The following RCOR1 variants were observed in gnomAD, a reference collection of about 807,000 sequenced individuals.
RCOR1 encodes the protein REST corepressor.
A neutral mutation model predicts 64.0 loss-of-function variants in RCOR1; 12 were observed. The observed-to-expected ratio is 0.19, with a 90% CI of 0.12 to 0.30. The LOEUF (loss-of-function observed/expected upper bound fraction) is 0.30. Ranked by LOEUF, RCOR1 falls within the 10% of genes least tolerant of loss-of-function variation. The pLI, the probability that RCOR1 is intolerant of heterozygous loss-of-function variation, is 1.00. For synonymous variants in RCOR1, 279 were observed against 227.2 expected (o/e 1.23, Z -2.05); for missense variants, 502 against 621.2 (o/e 0.81, Z 2.04).
intron 2 of RCOR1, among the ~76,000 whole-genome samples, chr14:102,649,006 A>T (rs1342844270): frequency 6.6e-6 from 1 of 151,926 alleles, no homozygotes; most frequent in Non-Finnish European, 1.5e-5. Flanking sequence ...TTACACATGT[A>T]GTAGAAGTTT....
Position 102,657,022 on chromosome 14 carries a change from G to A in RCOR1, c.362-24873G>A, listed in dbSNP as rs911077488. 2.4e-5 allele frequency: 21 copies of A among 875,884 alleles called. No homozygotes were observed. The Admixed American group carries it at 6.3e-4, about 26-fold the overall frequency. 54.3% of individuals were successfully genotyped at this position (875,884 alleles called of 1,614,324 possible). ...ACTCCTGACCTCATGTGATCCACCC[G>A]CATCAGCCTCCCAAAGTGCTGGGAT... On this transcript the variant is annotated intron_variant, in intron 2 of 11. Coordinates refer to ENST00000262241, the MANE Select transcript of RCOR1 (RefSeq NM_015156.4).
At chr14:102,673,832 C>A (rs1419957881) in intron 2 of RCOR1, among the ~76,000 whole-genome samples, 1 of 151,528 alleles carries the variant, frequency 6.6e-6, no homozygotes, top group African/African-American at 2.4e-5. Context: ...TCAGGCTGGT[C>A]TCGAACTCCC....
chr14:102,617,957 G>GTTTCTTTTTTT lies in RCOR1; in HGVS notation c.361+24647_361+24657dup, dbSNP rs768031626. On this transcript the variant is annotated intron_variant, in intron 2 of 11. Coordinates refer to ENST00000262241, the MANE Select transcript of RCOR1 (RefSeq NM_015156.4). ...TTTATGGGATACTACACTTACATAA[G>GTTTCTTTTTTT]TTTCTTTTTTTTTTCTTTTTTTTTT... Among the ~76,000 whole-genome samples the GTTTCTTTTTTT allele has an allele frequency of 9.1e-3, 1,299 of 142,966 alleles. 12 individuals are homozygous for GTTTCTTTTTTT. Among genetic ancestry groups the GTTTCTTTTTTT allele is most frequent in the East Asian group, 0.02 (98 of 4,796 alleles). The allele number at this position is 142,966 out of a possible 152,430, so 93.8% of individuals were successfully genotyped here.
Position 102,713,114 on chromosome 14 carries a change from T to C in RCOR1, c.859-1309T>C, listed in dbSNP as rs779012101. On this transcript the variant is annotated intron_variant, in intron 7 of 11. Coordinates refer to ENST00000262241, the MANE Select transcript of RCOR1 (RefSeq NM_015156.4). ...GATTACAGGGGCCCGCAACCATGCC[T>C]GGCTAATTTTTGTATTTTTACTAGA... 1.1e-4 allele frequency among the ~76,000 whole-genome samples: 16 copies of C among 150,706 alleles called. 1 individual carries two copies. The highest frequency in any genetic ancestry group is 3.3e-4 in the Admixed American group (5 of 15,122).
intron 2 of RCOR1, among the ~76,000 whole-genome samples, chr14:102,637,634 A>G (rs1169451696): frequency 6.6e-6 from 1 of 151,796 alleles, no homozygotes; most frequent in Non-Finnish European, 1.5e-5. Context: ...TTTTTTGTAG[A>G]GTCGAGATTT....
At chr14:102,711,677 C>T (rs1409078321) in intron 7 of RCOR1, among the ~76,000 whole-genome samples, 1 of 152,112 alleles carries the variant, frequency 6.6e-6, no homozygotes. Context: ...AGAGAGTTCT[C>T]TCTCTCTGCT....
chr14:102,656,981 G>A lies in RCOR1; in HGVS notation c.362-24914G>A, dbSNP rs575734520. ...AGTAGAGAGGGGTTTCACCATGTTG[G>A]CCAGGATGGTCGCGAACTCCTGACC... On this transcript the variant is annotated intron_variant, in intron 2 of 11. Transcript: ENST00000262241. The A allele has an allele frequency of 5.4e-5, 25 of 462,632 alleles. No homozygotes were observed. In the East Asian group the frequency reaches 2.8e-3, roughly 52 times the overall value. The allele number at this position is 462,632 out of a possible 1,614,324, so 28.7% of individuals were successfully genotyped here.
intron 11 of RCOR1, among the ~76,000 whole-genome samples, chr14:102,724,628 C>T (rs548516371): frequency 3.7e-4 from 56 of 152,248 alleles, no homozygotes; most frequent in Middle Eastern, 3.4e-3. Flanking sequence ...CCACCGTGCC[C>T]GGCCTATTTC....
At chr14:102,679,374 GATT>G (rs1895256356) in intron 2 of RCOR1, among the ~76,000 whole-genome samples, 1 of 152,142 alleles carries the variant, frequency 6.6e-6, no homozygotes, top group Non-Finnish European at 1.5e-5. Context: ...TTGTTGAAAA[GATT>G]ATTATTTTTG....
At chr14:102,668,302 A>T (rs1413444355) in intron 2 of RCOR1, among the ~76,000 whole-genome samples, 1 of 152,208 alleles carries the variant, frequency 6.6e-6, no homozygotes, top group Non-Finnish European at 1.5e-5. Flanking sequence ...TGGTGATGCT[A>T]ATGAGAATAA....
At chr14:102,617,023 C>T (rs951798215) in intron 2 of RCOR1, among the ~76,000 whole-genome samples, 5 of 152,108 alleles carry the variant, frequency 3.3e-5, no homozygotes, top group African/African-American at 1.2e-4. Context: ...GTTGAAGGGC[C>T]AGGAAACAGG....
At chr14:102,610,833 C>T (rs1435654022) in intron 2 of RCOR1, among the ~76,000 whole-genome samples, 2 of 152,060 alleles carry the variant, frequency 1.3e-5, no homozygotes, top group Admixed American at 6.6e-5. Flanking sequence ...GGATTACAGG[C>T]GTGAGCCACC....
chr14:102,664,144 G>A (rs574733572), intron 2 of RCOR1, among the ~76,000 whole-genome samples: 3 of 152,198 alleles, frequency 2.0e-5, no homozygotes, highest in East Asian at 1.9e-4. Context: ...GTCTCACTCC[G>A]TCACCCGCTG....
chr14:102,649,895 C>A, intron 2 of RCOR1: 1 of 585,186 alleles, frequency 1.7e-6, no homozygotes, highest in Non-Finnish European at 2.2e-6. Flanking sequence ...AAGGTGAGAG[C>A]TTAAAGAATC....
At chr14:102,611,255 T>C (rs1433874910) in intron 2 of RCOR1, among the ~76,000 whole-genome samples, 2 of 152,072 alleles carry the variant, frequency 1.3e-5, no homozygotes, top group Non-Finnish European at 2.9e-5. Context: ...GTATTGTTAG[T>C]AGAGATAGGG....
At chr14:102,711,040 G>A (rs747522244) in intron 7 of RCOR1, 27 bp downstream of exon 7, 3 of 1,452,616 alleles carry the variant, frequency 2.1e-6, no homozygotes, top group South Asian at 2.5e-5. Flanking sequence ...GTATTGTTTA[G>A]GCGAATAAAT....
In RCOR1 at chr14:102,702,516, G is replaced by A. The variant is rs182449756; in HGVS notation, c.498+1186G>A. 5.3e-5 allele frequency among the ~76,000 whole-genome samples: 8 copies of A among 150,484 alleles called. No individual in the cohort carries two copies. The South Asian group carries it at 1.0e-3, about 20-fold the overall frequency. Reference sequence around the variant, plus strand: ...AATATATATAATTTTTAAAATAAAAGAATAACAGCAATTGTTCTTTCATAA... The same window carrying A: ...AATATATATAATTTTTAAAATAAAAAAATAACAGCAATTGTTCTTTCATAA... On this transcript the variant is annotated intron_variant, in intron 4 of 11. Coordinates refer to ENST00000262241, the MANE Select transcript of RCOR1 (RefSeq NM_015156.4).
chr14:102,722,966 G>A (rs1291808668), intron 11 of RCOR1, among the ~76,000 whole-genome samples: 2 of 152,158 alleles, frequency 1.3e-5, no homozygotes, highest in African/African-American at 4.8e-5. Flanking sequence ...TGTGATGGTG[G>A]CTAATTTCTG....
intron 6 of RCOR1, among the ~76,000 whole-genome samples, chr14:102,710,297 C>T (rs996796629): frequency 6.6e-6 from 1 of 152,212 alleles, no homozygotes; most frequent in African/African-American, 2.4e-5. Context: ...TTCCTACCTA[C>T]ATCGGGGCTT....
Sources: gnomAD v4.1 joint callset for allele counts (sites outside exome capture counted in the v4.1 genomes callset) on GRCh38, gnomAD v4.1.1 for gene constraint, MANE v1.5 for transcripts, NCBI Gene and HGNC (gene_info 2026-07-23, HGNC 2026-07-21) for gene names.